Variants in ARHGAP6 observed in about 807,000 individuals in gnomAD.
The protein encoded by ARHGAP6 is Rho GTPase activating protein 6.
A neutral mutation model predicts 55.7 loss-of-function variants in ARHGAP6; 16 were observed. The ratio of observed to expected loss-of-function variants is 0.29; its 90% confidence interval spans 0.19 to 0.44. ARHGAP6 has a LOEUF of 0.44. Ranked by LOEUF, ARHGAP6 falls within the 20% of genes least tolerant of loss-of-function variation. The pLI, the probability that ARHGAP6 is intolerant of heterozygous loss-of-function variation, is 1.00. For missense variants in ARHGAP6, 698 were observed against 808.9 expected (o/e 0.86, Z 1.66); for synonymous variants, 382 against 360.9 (o/e 1.06, Z -0.66).
chrX:11,505,301 TCAATA>T (rs1356917576), intron 1 of ARHGAP6, among the ~76,000 whole-genome samples: 1 of 110,801 alleles, frequency 9.0e-6, no homozygotes, highest in Non-Finnish European at 1.9e-5. Flanking sequence ...CAGAAGAACT[TCAATA>T]TCACTGATAA....
chrX:11,151,528 C>T (rs992825836), intron 10 of ARHGAP6, among the ~76,000 whole-genome samples: 3 of 111,419 alleles, frequency 2.7e-5, no homozygotes, highest in Non-Finnish European at 5.6e-5. Flanking sequence ...AAAATCTCTT[C>T]TAATCCCCCT....
At chrX:11,401,749 C>T (rs1350552806) in intron 1 of ARHGAP6, among the ~76,000 whole-genome samples, 1 of 111,867 alleles carries the variant, frequency 8.9e-6, no homozygotes, top group Non-Finnish European at 1.9e-5. Context: ...CAAAAATATA[C>T]CCTTCAGTAT....
At position 11,478,602 on chromosome X, in the gene ARHGAP6, C is replaced by A. The variant is rs150617151; in HGVS notation, c.588+185639G>T. ...TTTTATATCTTAATCTGGGTAATGG[C>A]CATGTGCATTTCTCAAATTTCTTCA... On this transcript the variant is annotated intron_variant, in intron 1 of 12. Transcript: ENST00000337414. Among the ~76,000 whole-genome samples the A allele has an allele frequency of 5.4e-3, 604 of 111,320 alleles. 5 individuals carry two copies. Among genetic ancestry groups the A allele is most frequent in the Admixed American group, 7.9e-3 (83 of 10,483 alleles).
At chrX:11,294,752 A>T (rs1258978998) in intron 1 of ARHGAP6, 1 of 1,199,297 alleles carries the variant, frequency 8.3e-7, no homozygotes, top group Non-Finnish European at 1.1e-6. Context: ...GAGATAAGAA[A>T]AGTGGATGTT....
intron 2 of ARHGAP6, among the ~76,000 whole-genome samples, chrX:11,215,225 T>C (rs1417406461): frequency 3.5e-5 from 4 of 112,788 alleles, no homozygotes; most frequent in Non-Finnish European, 5.6e-5. Context: ...CCACCCTTGA[T>C]TGTCCGAAAC....
At chrX:11,165,135 T>G (rs1310828102) in intron 9 of ARHGAP6, among the ~76,000 whole-genome samples, 1 of 111,233 alleles carries the variant, frequency 9.0e-6, no homozygotes, top group African/African-American at 3.3e-5. Context: ...CTGGACAAAA[T>G]CGAAACAAAA....
intron 1 of ARHGAP6, among the ~76,000 whole-genome samples, chrX:11,365,813 A>G (rs142005791): frequency 0.03 from 3,350 of 112,215 alleles, 86 homozygotes; most frequent in African/African-American, 0.09. Flanking sequence ...TTTTTTATAC[A>G]TTAAAAAATG....
In ARHGAP6 at chrX:11,624,616, C is replaced by T. The variant is rs1422434806; in HGVS notation, c.588+39625G>A. 3.6e-5 allele frequency among the ~76,000 whole-genome samples: 4 copies of T among 112,291 alleles called. No individual in the cohort carries two copies. The South Asian group carries it at 1.5e-3, about 42-fold the overall frequency. On this transcript the variant is annotated intron_variant, in intron 1 of 12. Transcript: ENST00000337414. ...CGGAGTCTCGCTTTGTCGCCCAGGC[C>T]GGAGTGCTCACTGCAACTTCCGCCT...
At chrX:11,326,443 TC>T (rs937840501) in intron 1 of ARHGAP6, among the ~76,000 whole-genome samples, 1 of 111,611 alleles carries the variant, frequency 9.0e-6, no homozygotes, top group East Asian at 2.8e-4. Flanking sequence ...TTTTTTTTTT[TC>T]CTATGGAAAG....
At chrX:11,524,554 G>A (rs754959266) in intron 1 of ARHGAP6, among the ~76,000 whole-genome samples, 1 of 111,202 alleles carries the variant, frequency 9.0e-6, no homozygotes, top group South Asian at 3.8e-4. Context: ...GGATGCTTTG[G>A]TCTATTTGTT....
At chrX:11,580,282 G>A (rs2051650666) in intron 1 of ARHGAP6, among the ~76,000 whole-genome samples, 1 of 112,065 alleles carries the variant, frequency 8.9e-6, no homozygotes, top group Non-Finnish European at 1.9e-5. Context: ...ACACTGTGAG[G>A]GGAATTAAGT....
At chrX:11,464,328 G>A (rs1331963863) in intron 1 of ARHGAP6, among the ~76,000 whole-genome samples, 1 of 111,873 alleles carries the variant, frequency 8.9e-6, no homozygotes, top group African/African-American at 3.3e-5. Flanking sequence ...TTTCTTGATC[G>A]GCATTTTAAG....
rs1022193238 is a variant in ARHGAP6, at chrX:11,138,556, C to T, written c.*307G>A. On this transcript the variant is annotated 3_prime_UTR_variant, in exon 13 of 13. Coordinates refer to ENST00000337414, the MANE Select transcript of ARHGAP6 (RefSeq NM_013427.3). ...AGTCAAAACCGAAGACACATAAATA[C>T]GGTTAGGCTATACCAAGCAAGAGTT... 1.8e-5 allele frequency: 6 copies of T among 329,770 alleles called. No homozygotes were observed. Among genetic ancestry groups the T allele is most frequent in the African/African-American group, 2.7e-5 (1 of 36,880 alleles). The allele number at this position is 329,770 out of a possible 1,213,427, so 27.2% of individuals were successfully genotyped here. A position where few individuals can be genotyped will look rare whatever the true frequency, so the allele number is the denominator to read the frequency against.
intron 1 of ARHGAP6, among the ~76,000 whole-genome samples, chrX:11,652,575 T>C (rs1191878012): frequency 8.9e-6 from 1 of 112,310 alleles, no homozygotes; most frequent in Admixed American, 9.4e-5. Context: ...AACTTTTGTG[T>C]TGATGCTCAG....
At chrX:11,573,843 G>A (rs1337567380) in intron 1 of ARHGAP6, among the ~76,000 whole-genome samples, 22 of 111,223 alleles carry the variant, frequency 2.0e-4, no homozygotes, top group African/African-American at 4.6e-4. Context: ...CCATTTCTTC[G>A]TATCCTCTTT....
At chrX:11,358,321 T>C (rs1446842607) in intron 1 of ARHGAP6, among the ~76,000 whole-genome samples, 2 of 112,156 alleles carry the variant, frequency 1.8e-5, no homozygotes, top group Non-Finnish European at 3.8e-5. Flanking sequence ...ATAACACTGC[T>C]CTGAACATTC....
chrX:11,231,856 G>C (rs1387220374), intron 2 of ARHGAP6, among the ~76,000 whole-genome samples: 2 of 112,161 alleles, frequency 1.8e-5, no homozygotes, highest in Non-Finnish European at 3.8e-5. Context: ...AGTGATGATG[G>C]TATCTGTGTC....
intron 2 of ARHGAP6, among the ~76,000 whole-genome samples, chrX:11,237,951 C>T (rs1295364074): frequency 9.0e-6 from 1 of 111,579 alleles, no homozygotes; most frequent in African/African-American, 3.3e-5. Flanking sequence ...GCAGCATTCC[C>T]TGGCCTTTAT....
intron 2 of ARHGAP6, among the ~76,000 whole-genome samples, chrX:11,241,714 T>C (rs1259249620): frequency 9.0e-6 from 1 of 111,671 alleles, no homozygotes; most frequent in South Asian, 3.8e-4. Context: ...CAAAGGCAGA[T>C]AGGAACAGGG....
Sources: gnomAD v4.1 joint callset for allele counts (sites outside exome capture counted in the v4.1 genomes callset) on GRCh38, gnomAD v4.1.1 for gene constraint, MANE v1.5 for transcripts, NCBI Gene and HGNC (gene_info 2026-07-23, HGNC 2026-07-21) for gene names.